Variants in SGCD observed in about 807,000 individuals in gnomAD.
SGCD encodes delta-sarcoglycan.
Under a neutral mutation model 36.6 loss-of-function variants are expected in SGCD, and 18 were observed. That is an observed-to-expected ratio of 0.49 (90% confidence interval 0.34 to 0.73). The LOEUF is 0.73. SGCD is among the 30% of genes least tolerant of loss of function. The pLI is 0.01. For missense variants in SGCD, 387 were observed against 346.7 expected (o/e 1.12, Z -0.92); for synonymous variants, 133 against 130.6 (o/e 1.02, Z -0.12).
At chr5:156,039,195 C>T (rs1759575273) in intron 1 of SGCD, among the ~76,000 whole-genome samples, 1 of 149,206 alleles carries the variant, frequency 6.7e-6, no homozygotes, top group Non-Finnish European at 1.5e-5. Context: ...TTGCTCCTGT[C>T]ATACCCTATG....
At chr5:156,307,272 T>G (rs1433558730) in intron 3 of SGCD, among the ~76,000 whole-genome samples, 1 of 152,138 alleles carries the variant, frequency 6.6e-6, no homozygotes, top group African/African-American at 2.4e-5. Context: ...AGTCTTGAAC[T>G]TGGGCTCAAG....
intron 1 of SGCD, among the ~76,000 whole-genome samples, chr5:155,962,857 A>G (rs1262407835): frequency 6.6e-6 from 1 of 152,154 alleles, no homozygotes; most frequent in Non-Finnish European, 1.5e-5. Context: ...TGTTGAAATC[A>G]TAAGCTGTCC....
intron 4 of SGCD, among the ~76,000 whole-genome samples, chr5:156,542,344 G>A (rs371270408): frequency 1.3e-5 from 2 of 152,086 alleles, no homozygotes; most frequent in African/African-American, 4.8e-5. Flanking sequence ...AACCACTTCC[G>A]CTATTTATGA....
At chr5:156,697,188 CATAAAT>C (rs1754353656) in intron 7 of SGCD, among the ~76,000 whole-genome samples, 2 of 152,200 alleles carry the variant, frequency 1.3e-5, no homozygotes, top group Admixed American at 1.3e-4. Flanking sequence ...TGTACAACTT[CATAAAT>C]ATAATGAGTC....
Position 156,170,184 on chromosome 5 carries a change from C to G in SGCD, c.-44+46165C>G, listed in dbSNP as rs183380904. Among the ~76,000 whole-genome samples the G allele has an allele frequency of 3.9e-5, 6 of 152,198 alleles. No individual in the cohort carries two copies. In the East Asian group the frequency reaches 1.2e-3, roughly 29 times the overall value. ...CATTAATAAGACCCTGAGAGGTAAT[C>G]TACAAGAAAAGAAAATCCCTGAAAT... On this transcript the variant is annotated intron_variant, in intron 3 of 9. Transcript: ENST00000517913.
chr5:155,769,679 A>C, the SGCD span, among the ~76,000 whole-genome samples: 1 of 152,184 alleles, frequency 6.6e-6, no homozygotes, highest in Non-Finnish European at 1.5e-5. Flanking sequence ...TTCTACATCC[A>C]ACTAGCCTCA....
At chr5:156,100,946 A>G (rs1761503698) in intron 1 of SGCD, among the ~76,000 whole-genome samples, 1 of 152,018 alleles carries the variant, frequency 6.6e-6, no homozygotes, top group African/African-American at 2.4e-5. Context: ...TCCCCCTAAT[A>G]TGATGGTATT....
intron 3 of SGCD, among the ~76,000 whole-genome samples, chr5:156,499,494 C>G (rs916533486): frequency 6.6e-6 from 1 of 151,988 alleles, no homozygotes; most frequent in African/African-American, 2.4e-5. Flanking sequence ...AAGATATGAG[C>G]AGAAATATGA....
intron 3 of SGCD, among the ~76,000 whole-genome samples, chr5:156,432,973 T>C (rs1753089191): frequency 6.6e-6 from 1 of 152,178 alleles, no homozygotes; most frequent in Non-Finnish European, 1.5e-5. Context: ...TGCATGTGTA[T>C]CTGCAGCACT....
intron 4 of SGCD, among the ~76,000 whole-genome samples, chr5:156,530,672 C>G (rs1757850728): frequency 6.6e-6 from 1 of 151,904 alleles, no homozygotes; most frequent in African/African-American, 2.4e-5. Flanking sequence ...CTCCACCTCC[C>G]TGGTTCAAGC....
chr5:156,333,278 C>T (rs140127550), intron 2 of SGCD, among the ~76,000 whole-genome samples: 500 of 152,196 alleles, frequency 3.3e-3, no homozygotes, highest in African/African-American at 0.012. Context: ...TTTCATGATG[C>T]TGTAAAAATT....
chr5:155,984,621 G>A (rs974953459), intron 1 of SGCD, among the ~76,000 whole-genome samples: 2 of 152,106 alleles, frequency 1.3e-5, no homozygotes, highest in African/African-American at 4.8e-5. Flanking sequence ...CCAGCATTCC[G>A]GTTTCTCACA....
chr5:156,735,506 C>T (rs551932083), intron 7 of SGCD, among the ~76,000 whole-genome samples: 3 of 152,276 alleles, frequency 2.0e-5, no homozygotes, highest in African/African-American at 7.2e-5. Flanking sequence ...CAGGCATCTG[C>T]TTAAAGAAAC....
chr5:155,783,947 A>G, the SGCD span, among the ~76,000 whole-genome samples: 5 of 152,196 alleles, frequency 3.3e-5, no homozygotes, highest in African/African-American at 1.2e-4. Context: ...TTCCCTCCTC[A>G]TGATGTCCAC....
At chr5:156,329,485 G>A (rs1323215700) in intron 1 of SGCD, 49 bp from the exon 2 acceptor site, 2 of 1,283,700 alleles carry the variant, frequency 1.6e-6, no homozygotes, top group African/African-American at 1.5e-5. Flanking sequence ...AGGCAAGGAG[G>A]GGGCAGGCTC....
chr5:155,776,799 A>G, the SGCD span, among the ~76,000 whole-genome samples: 1 of 152,292 alleles, frequency 6.6e-6, no homozygotes, highest in East Asian at 1.9e-4. Context: ...GATATTCCTT[A>G]TAGACTCACA....
At position 156,172,504 on chromosome 5, in the gene SGCD, GGA is replaced by G. The variant is rs545058620; in HGVS notation, c.-44+48488_-44+48489del. Among the ~76,000 whole-genome samples, 369 of 152,258 alleles carry G rather than the reference GGA, an allele frequency of 2.4e-3. 4 individuals are homozygous for G. Among genetic ancestry groups the G allele is most frequent in the African/African-American group, 8.6e-3 (359 of 41,540 alleles). ...TTTCATTTCCTCATTTATAAAATTA[GGA>G]GATTGAGTTTGATGACTCTTAAGAC... On this transcript the variant is annotated intron_variant, in intron 3 of 9. Transcript: ENST00000517913.
intron 7 of SGCD, among the ~76,000 whole-genome samples, chr5:156,728,508 CAAAAAAAAAAAAAAAA>C (rs34726270): frequency 2.1e-5 from 1 of 46,526 alleles, no homozygotes; most frequent in Non-Finnish European, 3.6e-5. Flanking sequence ...GAGACTCTGT[CAAAAAAAAAAAAAAAA>C]AAAAAAAAAA....
intron 3 of SGCD, among the ~76,000 whole-genome samples, chr5:156,280,097 A>G (rs765942937): frequency 7.2e-5 from 11 of 152,110 alleles, no homozygotes; most frequent in Non-Finnish European, 1.5e-4. Context: ...TTTCCCAAAT[A>G]AGATGTTGCA....
Sources: gnomAD v4.1 joint callset for allele counts (sites outside exome capture counted in the v4.1 genomes callset) on GRCh38, gnomAD v4.1.1 for gene constraint, MANE v1.5 for transcripts, NCBI Gene and HGNC (gene_info 2026-07-23, HGNC 2026-07-21) for gene names.